ACACA: variants seen among roughly 807,000 people sequenced by gnomAD.
ACACA encodes the protein acetyl-CoA carboxylase 1.
Under a neutral mutation model 296.1 loss-of-function variants are expected in ACACA, and 103 were observed. The observed-to-expected ratio is 0.35, with a 90% CI of 0.30 to 0.41. The LOEUF (loss-of-function observed/expected upper bound fraction) is 0.41. Among genes scored for constraint, ACACA ranks in the 10% least tolerant of loss-of-function variants. ACACA has a pLI of 1.00. For synonymous variants in ACACA, 953 were observed against 1,038.6 expected (o/e 0.92, Z 1.58); for missense variants, 1,554 against 2,989.7 (o/e 0.52, Z 11.20).
intron 28 of ACACA, among the ~76,000 whole-genome samples, chr17:37,222,787 T>C (rs2079359321): frequency 6.6e-6 from 1 of 152,212 alleles, no homozygotes. Flanking sequence ...TCTAAAACAC[T>C]CTTTTTCCCC....
intron 38 of ACACA, 52 bp from the exon 39 acceptor site, chr17:37,188,532 C>T (rs2077623768): frequency 2.5e-6 from 4 of 1,590,160 alleles, no homozygotes; most frequent in South Asian, 2.2e-5. Context: ...CTAACTAAGA[C>T]CTGTTTCAGG....
At chr17:37,121,310 C>G in intron 50 of ACACA, 45 bp downstream of exon 50, 1 of 1,613,448 alleles carries the variant, frequency 6.2e-7, no homozygotes, top group Non-Finnish European at 8.5e-7. Context: ...CGCAGAGTGC[C>G]CAGTAATCAG....
chr17:37,256,293 C>T (rs185670088), intron 14 of ACACA, among the ~76,000 whole-genome samples: 252 of 152,126 alleles, frequency 1.7e-3, no homozygotes, highest in Admixed American at 3.0e-3. Flanking sequence ...AATATGGCAG[C>T]GAATATGCTT....
chr17:37,280,451 C>T (rs1452046232), intron 5 of ACACA, among the ~76,000 whole-genome samples: 2 of 152,146 alleles, frequency 1.3e-5, no homozygotes. Context: ...AAGTGATCCG[C>T]CTGCCTTGGC....
intron 54 of ACACA, among the ~76,000 whole-genome samples, chr17:37,091,704 T>C (rs1256421632): frequency 6.6e-6 from 1 of 151,934 alleles, no homozygotes; most frequent in Non-Finnish European, 1.5e-5. Context: ...ATCGGCATCC[T>C]GAATAGCTAG....
chr17:37,140,964 C>T (rs532215655), intron 45 of ACACA: 12 of 352,486 alleles, frequency 3.4e-5, no homozygotes, highest in South Asian at 3.0e-4. Flanking sequence ...TGTGGGCCTT[C>T]TTCTCCCAGT....
chr17:37,316,082 C>CT (rs1332343665), intron 3 of ACACA, among the ~76,000 whole-genome samples: 1 of 152,076 alleles, frequency 6.6e-6, no homozygotes, highest in African/African-American at 2.4e-5. Flanking sequence ...AACTGTGTGC[C>CT]AGGAACCAAG....
chr17:37,369,170 A>G (rs1263770140), intron 1 of ACACA, among the ~76,000 whole-genome samples: 1 of 152,202 alleles, frequency 6.6e-6, no homozygotes, highest in Admixed American at 6.6e-5. Context: ...CATAATGTTG[A>G]GCAAAAAATG....
At chr17:37,211,669 G>A (rs1356425307) in intron 29 of ACACA, among the ~76,000 whole-genome samples, 1 of 152,172 alleles carries the variant, frequency 6.6e-6, no homozygotes, top group African/African-American at 2.4e-5. Context: ...GGAGGAAAAC[G>A]ATGCACTTTC....
chr17:37,205,735 T>C, intron 33 of ACACA, 30 bp downstream of exon 33: 1 of 1,549,474 alleles, frequency 6.5e-7, no homozygotes, highest in Non-Finnish European at 8.9e-7. Flanking sequence ...AAAGGGGACA[T>C]CACGAGCTTC....
chr17:37,323,064 C>G (rs2047429921), intron 3 of ACACA, among the ~76,000 whole-genome samples: 2 of 152,262 alleles, frequency 1.3e-5, no homozygotes, highest in Non-Finnish European at 2.9e-5. Context: ...CTGCAGACAG[C>G]AAAGCTGAAA....
At chr17:37,355,337 C>T (rs2049086402) in intron 1 of ACACA, among the ~76,000 whole-genome samples, 1 of 151,986 alleles carries the variant, frequency 6.6e-6, no homozygotes, top group Non-Finnish European at 1.5e-5. Flanking sequence ...GTGGGTGGAT[C>T]ACAAGGTCAG....
At chr17:37,258,432 G>A in intron 12 of ACACA, 59 bp from the exon 13 acceptor site, 1 of 1,524,342 alleles carries the variant, frequency 6.6e-7, no homozygotes, top group East Asian at 2.3e-5. Context: ...AAAGTGTAGA[G>A]GCTATCAGAT....
In ACACA at chr17:37,381,916, T is replaced by A. The variant is rs78170395; in HGVS notation, c.38+24346A>T. ...TGCTGGGATTACAGGCGTGAGCCAC[T>A]GCACCCGGCCATGTCTCTTCTATAT... is the stretch of plus-strand genomic sequence containing the variant. On this transcript the variant is annotated intron_variant, in intron 1 of 55. Coordinates refer to ENST00000616317, the MANE Select transcript of ACACA (RefSeq NM_198834.3). Among the ~76,000 whole-genome samples, 7 of 152,064 alleles carry A rather than the reference T, an allele frequency of 4.6e-5. No homozygotes were observed. The South Asian group carries it at 1.5e-3, about 32-fold the overall frequency.
intron 3 of ACACA, among the ~76,000 whole-genome samples, chr17:37,329,863 C>T (rs1213116825): frequency 6.6e-6 from 1 of 152,034 alleles, no homozygotes; most frequent in Non-Finnish European, 1.5e-5. Flanking sequence ...ATTGCTTGAA[C>T]CCAGGAGGCG....
intron 2 of ACACA, among the ~76,000 whole-genome samples, chr17:37,332,232 AG>A (rs2047918215): frequency 6.6e-6 from 1 of 151,728 alleles, no homozygotes; most frequent in South Asian, 2.1e-4. Flanking sequence ...AAAAAAAAAA[AG>A]AAAGAAAAAG....
rs1412411486 is a variant in ACACA at position 37,095,902 on chromosome 17, C to T, written c.6891+1094G>A. On this transcript the variant is annotated intron_variant, in intron 54 of 55. Coordinates refer to ENST00000616317, the MANE Select transcript of ACACA (RefSeq NM_198834.3). ...AATGCTGGTGCCCTTGCTAGGTCATCCTGGCTTGAGACCCGCCCCATCCCC... is the reference window on the plus strand; with the variant it reads ...AATGCTGGTGCCCTTGCTAGGTCATTCTGGCTTGAGACCCGCCCCATCCCC... 2.6e-5 allele frequency among the ~76,000 whole-genome samples: 4 copies of T among 152,174 alleles called. No individual in the cohort carries two copies. In the South Asian group the frequency reaches 8.3e-4, roughly 31 times the overall value.
At chr17:37,298,379 A>T (rs937728496) in intron 3 of ACACA, among the ~76,000 whole-genome samples, 2 of 152,220 alleles carry the variant, frequency 1.3e-5, no homozygotes, top group Non-Finnish European at 2.9e-5. Flanking sequence ...TTATAAAAAC[A>T]AGCAAACAAA....
At chr17:37,149,692 G>A (rs1161680754) in intron 45 of ACACA, among the ~76,000 whole-genome samples, 172 bp downstream of exon 45, 1 of 152,168 alleles carries the variant, frequency 6.6e-6, no homozygotes, top group East Asian at 1.9e-4. Context: ...ATGAATGAAT[G>A]AATAAAAAGG....
Sources: allele counts gnomAD v4.1 joint callset (sites outside exome capture counted in the v4.1 genomes callset), GRCh38; gene constraint gnomAD v4.1.1; transcripts MANE v1.5; gene names NCBI Gene and HGNC (gene_info 2026-07-23, HGNC 2026-07-21).